Variants in ZFPM2 observed in about 807,000 individuals in gnomAD.
ZFPM2 encodes the protein zinc finger protein ZFPM2.
Under a neutral mutation model 98.6 loss-of-function variants are expected in ZFPM2, and 20 were observed. The ratio of observed to expected loss-of-function variants is 0.20; its 90% CI spans 0.14 to 0.29. The LOEUF (loss-of-function observed/expected upper bound fraction) is 0.29. Among genes scored for constraint, ZFPM2 ranks in the 10% least tolerant of loss-of-function variants. The pLI, the probability that ZFPM2 is intolerant of heterozygous loss-of-function variation, is 1.00. For missense variants in ZFPM2, 1,310 were observed against 1,388.6 expected (o/e 0.94, Z 0.90); for synonymous variants, 518 against 502.7 (o/e 1.03, Z -0.41).
At chr8:105,420,253 C>A (rs557661537) in intron 2 of ZFPM2, among the ~76,000 whole-genome samples, 1 of 151,970 alleles carries the variant, frequency 6.6e-6, no homozygotes, top group African/African-American at 2.4e-5. Flanking sequence ...ATTTGTTAAT[C>A]AGACTTCATA....
At chr8:105,526,116 T>C (rs1284230126) in intron 3 of ZFPM2, among the ~76,000 whole-genome samples, 1 of 152,210 alleles carries the variant, frequency 6.6e-6, no homozygotes, top group Non-Finnish European at 1.5e-5. Context: ...TTTTCAACTT[T>C]AGACTTTCTT....
intron 3 of ZFPM2, among the ~76,000 whole-genome samples, chr8:105,556,090 C>T (rs1392843341): frequency 6.6e-6 from 1 of 152,076 alleles, no homozygotes; most frequent in Non-Finnish European, 1.5e-5. Flanking sequence ...AAATGGGTAA[C>T]ATGATGAAAG....
chr8:105,439,869 T>G (rs1812201724), intron 2 of ZFPM2, among the ~76,000 whole-genome samples: 1 of 152,204 alleles, frequency 6.6e-6, no homozygotes, highest in African/African-American at 2.4e-5. Context: ...GATACTCCAT[T>G]TAGTCTGTGA....
intron 4 of ZFPM2, among the ~76,000 whole-genome samples, chr8:105,609,406 A>G (rs1816260717): frequency 6.6e-6 from 1 of 152,148 alleles, no homozygotes; most frequent in Non-Finnish European, 1.5e-5. Context: ...TCATTCTAGA[A>G]AGGTTTGGAA....
chr8:105,561,889 TA>T (rs1240453022), intron 4 of ZFPM2, among the ~76,000 whole-genome samples: 1 of 152,202 alleles, frequency 6.6e-6, no homozygotes, highest in Non-Finnish European at 1.5e-5. Context: ...TTTGTACCTT[TA>T]AAAGCAGGGA....
intron 4 of ZFPM2, among the ~76,000 whole-genome samples, chr8:105,579,419 T>A (rs1263818081): frequency 6.6e-6 from 1 of 152,166 alleles, no homozygotes; most frequent in Non-Finnish European, 1.5e-5. Context: ...AGAGACAGTA[T>A]CACTGATTCA....
At chr8:105,656,633 T>G (rs1817291143) in intron 5 of ZFPM2, among the ~76,000 whole-genome samples, 1 of 152,202 alleles carries the variant, frequency 6.6e-6, no homozygotes. Flanking sequence ...TGGGAACTCC[T>G]TGCTTCTGGT....
At chr8:105,347,142 C>T (rs1471041467) in intron 1 of ZFPM2, among the ~76,000 whole-genome samples, 1 of 151,886 alleles carries the variant, frequency 6.6e-6, no homozygotes, top group Non-Finnish European at 1.5e-5. Flanking sequence ...CACCCCGCCC[C>T]CCAAAACCCT....
chr8:105,577,556 G>A (rs1300170740), intron 4 of ZFPM2, among the ~76,000 whole-genome samples: 1 of 151,708 alleles, frequency 6.6e-6, no homozygotes, highest in Non-Finnish European at 1.5e-5. Flanking sequence ...TATTAAGATT[G>A]TTTCTAACAT....
chr8:105,593,262 T>C (rs750146236), intron 4 of ZFPM2, among the ~76,000 whole-genome samples: 1 of 152,112 alleles, frequency 6.6e-6, no homozygotes, highest in Non-Finnish European at 1.5e-5. Flanking sequence ...ATTCTAGTAA[T>C]GGAGAAAAGA....
At chr8:105,511,326 T>C (rs1414575139) in intron 3 of ZFPM2, among the ~76,000 whole-genome samples, 1 of 152,218 alleles carries the variant, frequency 6.6e-6, no homozygotes, top group African/African-American at 2.4e-5. Flanking sequence ...GAGAGGTAAA[T>C]AACCGATGAT....
chr8:105,393,391 T>TTTCTTTCTTTCTTTCTTTCTTTCC (rs1811157929), intron 1 of ZFPM2, among the ~76,000 whole-genome samples: 1 of 138,528 alleles, frequency 7.2e-6, no homozygotes, highest in Non-Finnish European at 1.6e-5. Context: ...TCTTTCTTTC[T>TTTCTTTCTTTCTTTCTTTCTTTCC]TCTTCAGAAT....
chr8:105,494,310 G>A (rs949231559), intron 3 of ZFPM2, among the ~76,000 whole-genome samples: 4 of 148,326 alleles, frequency 2.7e-5, no homozygotes, highest in African/African-American at 1.0e-4. Flanking sequence ...ACTTTTCCGT[G>A]GAAACCATCA....
chr8:105,605,448 C>T lies in ZFPM2; in HGVS notation c.421-28798C>T, dbSNP rs1229951828. Among the ~76,000 whole-genome samples the T allele has an allele frequency of 1.3e-5, 2 of 151,928 alleles. 1 individual carries two copies. The highest frequency in any genetic ancestry group is 1.3e-4 in the Admixed American group (2 of 15,246). On this transcript the variant is annotated intron_variant, in intron 4 of 7. Coordinates refer to ENST00000407775, the MANE Select transcript of ZFPM2 (RefSeq NM_012082.4). ...TATTGCTGTCAGCAAATTAAATTAGCAACTGATTTATTATTTTATCTACAT... is the reference window on the plus strand; with the variant it reads ...TATTGCTGTCAGCAAATTAAATTAGTAACTGATTTATTATTTTATCTACAT...
chr8:105,634,369 A>T lies in ZFPM2; in HGVS notation c.532+12A>T. Reference sequence around the variant, plus strand: ...TGTGTACAGCAAAGGTAAATGCAAGATTGTTTCCCTCTCTCTTTGGAAGTA... The same window carrying T: ...TGTGTACAGCAAAGGTAAATGCAAGTTTGTTTCCCTCTCTCTTTGGAAGTA... On this transcript the variant is annotated intron_variant, in intron 5 of 7. Coordinates refer to ENST00000407775, the MANE Select transcript of ZFPM2 (RefSeq NM_012082.4). 1 of 1,594,982 alleles carries T rather than the reference A, an allele frequency of 6.3e-7. No homozygotes were observed. The highest frequency in any genetic ancestry group is 8.6e-7 in the Non-Finnish European group (1 of 1,166,632).
intron 3 of ZFPM2, among the ~76,000 whole-genome samples, chr8:105,523,815 G>C (rs1814113024): frequency 6.6e-6 from 1 of 152,110 alleles, no homozygotes; most frequent in Non-Finnish European, 1.5e-5. Flanking sequence ...GTGGTATGTT[G>C]GGTGTGTATA....
chr8:105,598,051 T>G (rs1816007718), intron 4 of ZFPM2, among the ~76,000 whole-genome samples: 2 of 149,068 alleles, frequency 1.3e-5, no homozygotes. Flanking sequence ...CTGTTGTTCT[T>G]GGAAAAAAAA....
chr8:105,639,300 A>G (rs17219068), intron 5 of ZFPM2, among the ~76,000 whole-genome samples: 16,601 of 152,096 alleles, frequency 0.11, 1,077 homozygotes, highest in South Asian at 0.22. Flanking sequence ...TTACACCTTT[A>G]GCATCTTTCA....
At chr8:105,584,388 A>G (rs970538556) in intron 4 of ZFPM2, among the ~76,000 whole-genome samples, 10 of 152,150 alleles carry the variant, frequency 6.6e-5, no homozygotes, top group African/African-American at 2.4e-4. Flanking sequence ...AAGAAAATAT[A>G]TTACTTCCTC....
Sources: gnomAD v4.1 joint callset for allele counts (sites outside exome capture counted in the v4.1 genomes callset) on GRCh38, gnomAD v4.1.1 for gene constraint, MANE v1.5 for transcripts, NCBI Gene and HGNC (gene_info 2026-07-23, HGNC 2026-07-21) for gene names.